Variants in LAMA2 observed in about 807,000 individuals in gnomAD.
The protein encoded by LAMA2 is laminin subunit alpha 2.
LAMA2 carries 269 observed loss-of-function variants against 364.8 expected under a neutral mutation model. The observed-to-expected ratio is 0.74, with a 90% CI of 0.67 to 0.82. The LOEUF is 0.82. Among genes scored for constraint, LAMA2 ranks in the 40% least tolerant of loss-of-function variants. LAMA2 has a pLI of 0.00. For synonymous variants in LAMA2, 1,379 were observed against 1,370.6 expected (o/e 1.01, Z -0.14); for missense variants, 3,807 against 3,873.2 (o/e 0.98, Z 0.45).
chr6:128,973,533 A>G (rs1782331042), intron 1 of LAMA2, among the ~76,000 whole-genome samples: 1 of 152,208 alleles, frequency 6.6e-6, no homozygotes, highest in African/African-American at 2.4e-5. Flanking sequence ...TATTGAAACT[A>G]TAACAGTATT....
intron 38 of LAMA2, among the ~76,000 whole-genome samples, chr6:129,401,840 T>C (rs373084151): frequency 9.3e-6 from 1 of 107,244 alleles, no homozygotes; most frequent in Non-Finnish European, 1.9e-5. Context: ...AATTTCCTAG[T>C]CTATTCCATT....
intron 55 of LAMA2, 61 bp from the exon 56 acceptor site, chr6:129,486,413 T>C (rs1784586489): frequency 2.6e-6 from 4 of 1,548,324 alleles, no homozygotes; most frequent in East Asian, 2.3e-5. Context: ...CCAGGGAATC[T>C]CTAAAGCTAA....
chr6:129,240,703 T>A (rs1469582753), intron 12 of LAMA2, among the ~76,000 whole-genome samples: 2 of 152,198 alleles, frequency 1.3e-5, no homozygotes. Context: ...CTATACACTA[T>A]GTGTCTTCCT....
chr6:129,270,767 AC>A lies in LAMA2; in HGVS notation c.2450+20del. The A allele has an allele frequency of 6.2e-7, 1 of 1,612,486 alleles. No homozygotes were observed. The highest frequency in any genetic ancestry group is 8.5e-7 in the Non-Finnish European group (1 of 1,178,872). ...CATCCAATAAGTAAGTAACAAACTT[AC>A]CCCATGAATAAGCTCAGCATCCATT... On this transcript the variant is annotated intron_variant, in intron 17 of 64. Coordinates refer to ENST00000421865, the MANE Select transcript of LAMA2 (RefSeq NM_000426.4).
chr6:129,154,778 TA>T, intron 8 of LAMA2, 95 bp downstream of exon 8: 1 of 1,011,166 alleles, frequency 9.9e-7, no homozygotes, highest in Non-Finnish European at 1.5e-6. Flanking sequence ...AAAGCTTCTG[TA>T]AACAGTTGAA....
In LAMA2 at chr6:128,883,326, G is replaced by A. The variant is rs1478239434; in HGVS notation, c.81G>A (p.Gln27=). The change falls in exon 1 of 65, where the codon CAG becomes CAA. Residue 27 remains glutamine, a synonymous_variant. Transcript: ENST00000421865. ...GCGTACAGGCGCAGCGGCCGCAGCA[G>A]CAGCGGCAGTCACAGGCACATCAGC... is the stretch of plus-strand genomic sequence containing the variant. ...LGGVQAQRPQ[Q]QRQSQAHQQR... The A allele has an allele frequency of 1.9e-6, 3 of 1,598,708 alleles. No homozygotes were observed. The highest frequency in any genetic ancestry group is 1.7e-6 in the Non-Finnish European group (2 of 1,173,040).
At chr6:129,367,382 A>G (rs1777833962) in intron 33 of LAMA2, among the ~76,000 whole-genome samples, 1 of 152,242 alleles carries the variant, frequency 6.6e-6, no homozygotes, top group East Asian at 1.9e-4. Context: ...TGCTTTAAAA[A>G]TAATCATTAA....
In LAMA2 at chr6:129,260,702, C is replaced by G. The variant is rs2114320187; in HGVS notation, c.2097-9C>G. On this transcript the variant is annotated splice_polypyrimidine_tract_variant and intron_variant, in intron 14 of 64. Transcript: ENST00000421865. ...ACTTATTCACCATCTCTTTTTTCCT[C>G]TGCCATAGGTTGAGCTCTGTTAACC... 1.7e-5 allele frequency: 27 copies of G among 1,549,566 alleles called. No individual in the cohort carries two copies. Among genetic ancestry groups the G allele is most frequent in the Non-Finnish European group, 2.4e-5 (27 of 1,121,466 alleles).
intron 45 of LAMA2, among the ~76,000 whole-genome samples, chr6:129,447,005 G>A (rs1387491037): frequency 3.3e-5 from 5 of 152,188 alleles, no homozygotes; most frequent in African/African-American, 7.2e-5. Context: ...AGGCAGTATC[G>A]TTGACATGTG....
At chr6:129,051,672 C>CTATAGA (rs1788037498) in intron 2 of LAMA2, among the ~76,000 whole-genome samples, 1 of 21,554 alleles carries the variant, frequency 4.6e-5, no homozygotes, top group African/African-American at 3.5e-4. Flanking sequence ...ATAGATCGAT[C>CTATAGA]TATAGATATC....
At chr6:129,259,391 G>A (rs1338964312) in intron 14 of LAMA2, among the ~76,000 whole-genome samples, 1 of 151,978 alleles carries the variant, frequency 6.6e-6, no homozygotes, top group African/African-American at 2.4e-5. Flanking sequence ...GAAAAATGCA[G>A]GCCATAGCGA....
rs1787065094 is a variant in LAMA2, at chr6:129,260,785, G to A, written c.2171G>A (p.Cys724Tyr). ...DGSIAAAVEV[C>Y]QCPPGYTGSS... ...AGCATTGCAGCAGCTGTAGAAGTGT[G>A]TCAGTGCCCACCAGGGTATACTGGC... is the stretch of plus-strand genomic sequence containing the variant. Residue 724 changes from cysteine to tyrosine, a missense_variant, in exon 15 of 65, where the codon TGT (cysteine) becomes TAT (tyrosine). By Grantham distance (194) the Cys-to-Tyr change is radical (BLOSUM62 -2). This residue lies in a region of LAMA2 where 3,333 missense variants were observed against 3,345.7 expected (regional missense o/e 1.00). Transcript: ENST00000421865. 1.2e-6 allele frequency: 2 copies of A among 1,611,892 alleles called. No individual in the cohort carries two copies. The highest frequency in any genetic ancestry group is 1.3e-5 in the African/African-American group (1 of 74,858).
In LAMA2 at chr6:129,514,398, C is replaced by T. The variant is rs75048006; in HGVS notation, c.9014C>T (p.Ala3005Val). The change falls in exon 64 of 65, where the codon GCG (alanine) becomes GTG (valine). Residue 3005 changes from alanine (A) to valine (V), a missense_variant. Coordinates refer to ENST00000421865, the MANE Select transcript of LAMA2 (RefSeq NM_000426.4). ...EKLMFHVDNG[A>V]GRFTAVYDAG... ...TTGATGTTTCATGTGGACAATGGTGCGGGCAGATTCACTGCTGTCTATGAT... is the reference window on the plus strand; with the variant it reads ...TTGATGTTTCATGTGGACAATGGTGTGGGCAGATTCACTGCTGTCTATGAT... The T allele has an allele frequency of 8.6e-5, 138 of 1,613,450 alleles. No homozygotes were observed. Among genetic ancestry groups the T allele is most frequent in the Non-Finnish European group, 1.0e-4 (119 of 1,179,558 alleles).
chr6:129,007,036 A>G (rs976120183), intron 1 of LAMA2, among the ~76,000 whole-genome samples: 3 of 152,116 alleles, frequency 2.0e-5, no homozygotes, highest in Non-Finnish European at 4.4e-5. Flanking sequence ...AGGTCTTTGT[A>G]GTTACATTAT....
rs567257666 is a variant in LAMA2, at chr6:129,265,459, C to G, written c.2209-1647C>G. ...AGTAGATTAGTTCTCTCCCTTTTCT[C>G]AACATCCTTAATTTCTACCCCCTTA... On this transcript the variant is annotated intron_variant, in intron 15 of 64. Coordinates refer to ENST00000421865, the MANE Select transcript of LAMA2 (RefSeq NM_000426.4). Among the ~76,000 whole-genome samples, 74 of 152,256 alleles carry G rather than the reference C, an allele frequency of 4.9e-4. 1 individual carries two copies. Among genetic ancestry groups the G allele is most frequent in the African/African-American group, 1.7e-3 (71 of 41,554 alleles).
In LAMA2 at chr6:129,454,138, G is replaced by T. The variant is rs1782833795; in HGVS notation, c.6574-17G>T. The T allele has an allele frequency of 6.2e-7, 1 of 1,609,400 alleles. No homozygotes were observed. The highest frequency in any genetic ancestry group is 1.1e-5 in the South Asian group (1 of 90,984). Reference sequence around the variant, plus strand: ...TTTATATCTGATATCTCTTGTTTTTGTATTTCTCTGAACTAGATTGACTTT... The same window carrying T: ...TTTATATCTGATATCTCTTGTTTTTTTATTTCTCTGAACTAGATTGACTTT... On this transcript the variant is annotated splice_polypyrimidine_tract_variant and intron_variant, in intron 46 of 64. Coordinates refer to ENST00000421865, the MANE Select transcript of LAMA2 (RefSeq NM_000426.4).
chr6:129,175,056 A>G (rs975561347), intron 9 of LAMA2, among the ~76,000 whole-genome samples: 1 of 152,236 alleles, frequency 6.6e-6, no homozygotes. Flanking sequence ...GCCTTTGCAA[A>G]CTTTATTAAA....
intron 1 of LAMA2, among the ~76,000 whole-genome samples, chr6:129,035,105 C>T (rs1400886017): frequency 1.1e-4 from 17 of 151,870 alleles, no homozygotes; most frequent in African/African-American, 3.1e-4. Context: ...CCACCAGCAG[C>T]GTATAAGCAT....
In LAMA2 at chr6:129,474,462, A is replaced by G. The variant is rs910002461; in HGVS notation, c.7440-928A>G. On this transcript the variant is annotated intron_variant, in intron 52 of 64. Coordinates refer to ENST00000421865, the MANE Select transcript of LAMA2 (RefSeq NM_000426.4). Reference sequence around the variant, plus strand: ...ATTTAAAGTGTCAAGTCAGAAAAACATTACAAATCAAATTTAAATAGTACC... The same window carrying G: ...ATTTAAAGTGTCAAGTCAGAAAAACGTTACAAATCAAATTTAAATAGTACC... Among the ~76,000 whole-genome samples, 3 of 152,292 alleles carry G rather than the reference A, an allele frequency of 2.0e-5. No individual in the cohort carries two copies. In the East Asian group the frequency reaches 5.8e-4, roughly 29 times the overall value.
Sources: gnomAD v4.1 joint callset for allele counts (sites outside exome capture counted in the v4.1 genomes callset) on GRCh38, gnomAD v4.1.1 for gene constraint, gnomAD v4.1.1 regional missense constraint, MANE v1.5 for transcripts, NCBI Gene and HGNC (gene_info 2026-07-23, HGNC 2026-07-21) for gene names.